The following CERS5 variants were observed in gnomAD, a reference collection of about 807,000 sequenced individuals.
CERS5 encodes LAG1 homolog, ceramide synthase 5.
In CERS5, 37 loss-of-function variants were observed where a neutral mutation model predicts 58.9. The ratio of observed to expected loss-of-function variants is 0.63; its 90% CI spans 0.48 to 0.83. CERS5 has a LOEUF of 0.83. Ranked by LOEUF, CERS5 falls within the 40% of genes least tolerant of loss-of-function variation. The probability of loss-of-function intolerance (pLI) is 0.00; values close to 1 mark genes in which losing one functional copy is unlikely to be tolerated. For synonymous variants in CERS5, 147 were observed against 177.8 expected, an observed-to-expected ratio of 0.83 and a Z score of 1.38; for missense variants, 398 against 489.3, an observed-to-expected ratio of 0.81 and a Z score of 1.76.
At chr12:50,133,155 C>T in intron 9 of CERS5, 1 of 1,235,482 alleles carries the variant, frequency 8.1e-7, no homozygotes, top group Non-Finnish European at 1.0e-6. Flanking sequence ...GAGCCAATGG[C>T]AGCTATAAGG....
intron 1 of CERS5, among the ~76,000 whole-genome samples, chr12:50,148,030 C>T (rs193019665): frequency 8.3e-4 from 126 of 151,374 alleles, no homozygotes; most frequent in Admixed American, 1.9e-3. Context: ...GGGCTGGGCA[C>T]GGTGGCTAAT....
intron 1 of CERS5, 132 bp downstream of exon 1, chr12:50,166,969 C>T: frequency 4.0e-6 from 3 of 743,908 alleles, no homozygotes; most frequent in South Asian, 1.9e-5. Context: ...CATCACCCGC[C>T]GCGGCCCAAG....
chr12:50,142,025 C>CA, intron 4 of CERS5, 28 bp downstream of exon 4: 1 of 1,386,194 alleles, frequency 7.2e-7, no homozygotes, highest in Non-Finnish European at 1.0e-6. Context: ...TAGAACCCAA[C>CA]AGAGGACTAG....
intron 8 of CERS5, among the ~76,000 whole-genome samples, chr12:50,135,231 C>G (rs114639900): frequency 0.012 from 423 of 35,446 alleles, 4 homozygotes; most frequent in African/African-American, 0.016. Context: ...GAGAGGAGGA[C>G]AGGGAGGGAG....
rs750649599 is a variant in CERS5, at chr12:50,136,010, G to A, written c.696C>T (p.Tyr232=). Residue 232 remains tyrosine (Y), a synonymous_variant, in exon 7 of 10, where the codon TAC becomes TAT. Transcript: ENST00000317551. ...LVTIGLISFS[Y]INNMVRVGTL... is the part of the protein sequence containing the mutation. Reference sequence around the variant, plus strand: ...TTCCCACTCGAACCATATTGTTGATGTAGGAGAAGGAGATAAGCCCAATGG... The same window carrying A: ...TTCCCACTCGAACCATATTGTTGATATAGGAGAAGGAGATAAGCCCAATGG... 1 of 1,518,632 alleles carries A rather than the reference G, an allele frequency of 6.6e-7. No homozygotes were observed. Among genetic ancestry groups the A allele is most frequent in the South Asian group, 1.4e-5 (1 of 73,668 alleles). The allele number at this position is 1,518,632 out of a possible 1,614,324, so 94.1% of individuals were successfully genotyped here.
rs2137960631 is a variant in CERS5 at position 50,129,330 on chromosome 12, T to C, written c.*1215A>G. 1 of 152,306 alleles carries C rather than the reference T, an allele frequency of 6.6e-6. No homozygotes were observed. Among genetic ancestry groups the C allele is most frequent in the African/African-American group, 2.4e-5 (1 of 41,562 alleles). The allele number at this position is 152,306 out of a possible 1,614,324, so 9.4% of individuals were successfully genotyped here. A position where few individuals can be genotyped will look rare whatever the true frequency, so the allele number is the denominator to read the frequency against. On this transcript the variant is annotated 3_prime_UTR_variant, in exon 10 of 10. Transcript: ENST00000317551. ...TTATTGTTTTATCCAATTGCATCTT[T>C]TGTCAGATTAGCTACACCAACCAAT...
At chr12:50,149,958 G>A (rs1299439541) in intron 1 of CERS5, among the ~76,000 whole-genome samples, 1 of 152,134 alleles carries the variant, frequency 6.6e-6, no homozygotes, top group Admixed American at 6.6e-5. Context: ...GGCCAGGCTG[G>A]TCTTGAGCTC....
intron 1 of CERS5, among the ~76,000 whole-genome samples, chr12:50,148,234 T>G (rs1952410606): frequency 6.6e-6 from 1 of 151,118 alleles, no homozygotes; most frequent in African/African-American, 2.4e-5. Context: ...GCCTGGGAGG[T>G]CGAGGCTGCA....
rs752634104 is a variant in CERS5 at position 50,131,558 on chromosome 12, CAAAAAAA to C, written c.1030-871_1030-865del. 8.6e-5 allele frequency among the ~76,000 whole-genome samples: 6 copies of C among 69,834 alleles called. No individual in the cohort carries two copies. The South Asian group carries it at 1.5e-3, about 17-fold the overall frequency. 45.8% of individuals were successfully genotyped at this position (69,834 alleles called of 152,430 possible). Reference sequence around the variant, plus strand: ...TGGGCGACAGAGTGAGACTCCATCTCAAAAAAAAAAAAAAAAAAAGAAAAAAAAAAAG... The same window carrying C: ...TGGGCGACAGAGTGAGACTCCATCTCAAAAAAAAAAAAGAAAAAAAAAAAG... On this transcript the variant is annotated intron_variant, in intron 9 of 9. Transcript: ENST00000317551.
At chr12:50,156,800 T>C (rs138785138) in intron 1 of CERS5, among the ~76,000 whole-genome samples, 4 of 152,170 alleles carry the variant, frequency 2.6e-5, no homozygotes, top group African/African-American at 9.6e-5. Flanking sequence ...TAGTTCCAGC[T>C]ACCATGGAGG....
chr12:50,131,705 G>A (rs1048553151), intron 9 of CERS5, among the ~76,000 whole-genome samples: 1 of 152,148 alleles, frequency 6.6e-6, no homozygotes, highest in Non-Finnish European at 1.5e-5. Flanking sequence ...TTATTAACCT[G>A]GGTTTTTTTG....
rs57414154 is a variant in CERS5, at chr12:50,144,862, G to T, written c.198-805C>A. 27 of 1,321,828 alleles carry T rather than the reference G, an allele frequency of 2.0e-5. No individual in the cohort carries two copies. In the East Asian group the frequency reaches 5.4e-4, roughly 26 times the overall value. 81.9% of individuals were successfully genotyped at this position (1,321,828 alleles called of 1,614,324 possible). A position where few individuals can be genotyped will look rare whatever the true frequency, so the allele number is the denominator to read the frequency against. Reference sequence around the variant, plus strand: ...TTTAAAAAGAATAAAAAAGCCGGGCGTGGTGGCTCACGCCTGTAATCCCAG... The same window carrying T: ...TTTAAAAAGAATAAAAAAGCCGGGCTTGGTGGCTCACGCCTGTAATCCCAG... On this transcript the variant is annotated intron_variant, in intron 1 of 9. Transcript: ENST00000317551.
chr12:50,133,379 T>A (rs1951443153), intron 9 of CERS5: 10 of 1,053,008 alleles, frequency 9.5e-6, no homozygotes, highest in Non-Finnish European at 1.2e-5. Flanking sequence ...GCTCTTGGCA[T>A]AAGATGGGTA....
chr12:50,136,187 C>T (rs891650312), intron 6 of CERS5, 118 bp from the exon 7 acceptor site: 2 of 967,766 alleles, frequency 2.1e-6, no homozygotes, highest in Non-Finnish European at 1.4e-6. Flanking sequence ...GAATAGTTTC[C>T]ATTGGCCGGG....
chr12:50,144,807 A>G (rs1408659253), intron 1 of CERS5: 3 of 1,527,542 alleles, frequency 2.0e-6, no homozygotes, highest in East Asian at 4.9e-5. Flanking sequence ...AGAAGAGGTT[A>G]TATCAAGCAG....
chr12:50,134,710 A>C lies in CERS5; in HGVS notation c.873-8T>G. 2 of 1,610,474 alleles carry C rather than the reference A, an allele frequency of 1.2e-6. No individual in the cohort carries two copies. The highest frequency in any genetic ancestry group is 1.7e-6 in the Non-Finnish European group (2 of 1,177,858). ...AGGGTCGTGTTCAGAATCCTAGAAG[A>C]GGGAGGCCAATAGTCAGATTCTAGA... is the stretch of plus-strand genomic sequence containing the variant. On this transcript the variant is annotated splice_polypyrimidine_tract_variant and splice_region_variant and intron_variant, in intron 8 of 9. Coordinates refer to ENST00000317551, the MANE Select transcript of CERS5 (RefSeq NM_147190.5).
In CERS5 at chr12:50,143,997, G is replaced by T; in HGVS notation, c.258C>A (p.Ala86=). The T allele has an allele frequency of 6.2e-7, 1 of 1,613,038 alleles. No homozygotes were observed. Among genetic ancestry groups the T allele is most frequent in the East Asian group, 2.2e-5 (1 of 44,880 alleles). The part of the protein sequence containing the change: ...IGIEDSGPYQ[A]QPNAILEKVF... The stretch of plus-strand genomic sequence containing the variant: ...CCTTTTCAAGGATGGCATTGGGTTG[G>T]GCCTGATAAGGACCACTGTCCTCGA... The change falls in exon 2 of 10, where the codon GCC becomes GCA. Residue 86 remains alanine (A), a synonymous_variant. Transcript: ENST00000317551.
intron 5 of CERS5, among the ~76,000 whole-genome samples, chr12:50,138,132 C>T (rs1951784312): frequency 6.6e-6 from 1 of 152,196 alleles, no homozygotes; most frequent in Non-Finnish European, 1.5e-5. Flanking sequence ...GGATTAAATA[C>T]ACATAGGCCT....
intron 9 of CERS5, among the ~76,000 whole-genome samples, chr12:50,131,836 C>G (rs1228250798): frequency 6.6e-6 from 1 of 152,128 alleles, no homozygotes; most frequent in Admixed American, 6.6e-5. Context: ...GTGGCTTACA[C>G]CTATAATCCT....
Sources: allele counts gnomAD v4.1 joint callset (sites outside exome capture counted in the v4.1 genomes callset), GRCh38; gene constraint gnomAD v4.1.1; transcripts MANE v1.5; gene names NCBI Gene and HGNC (gene_info 2026-07-23, HGNC 2026-07-21).